Variants in CCDC33 observed in about 807,000 individuals in gnomAD.
CCDC33 encodes the protein coiled-coil domain-containing protein 33.
Under a neutral mutation model 91.9 loss-of-function variants are expected in CCDC33, and 94 were observed. The ratio of observed to expected loss-of-function variants is 1.02; its 90% CI spans 0.87 to 1.21. CCDC33 has a LOEUF of 1.21. Among genes scored for constraint, CCDC33 ranks in the 50% most tolerant of loss-of-function variants. The pLI is 0.00. For synonymous variants in CCDC33, 396 were observed against 374.5 expected (o/e 1.06, Z -0.66); for missense variants, 940 against 935.5 (o/e 1.00, Z -0.06).
At position 74,218,538 on chromosome 15, in the gene CCDC33, G is replaced by A; in HGVS notation, c.352G>A (p.Val118Met). 7.8e-7 allele frequency: 1 copy of A among 1,289,654 alleles called. No individual in the cohort carries two copies. Among genetic ancestry groups the A allele is most frequent in the Non-Finnish European group, 1.0e-6 (1 of 988,770 alleles). 79.9% of individuals were successfully genotyped at this position (1,289,654 alleles called of 1,614,324 possible). A position where few individuals can be genotyped will look rare whatever the true frequency, so the allele number is the denominator to read the frequency against. Residue 118 changes from valine to methionine, a missense_variant, in exon 2 of 3, where the codon GTG becomes ATG. Coordinates refer to the CCDC33 transcript ENST00000635913. This position sits in a 1 kb window ranked among gnomAD's most constrained non-coding sequence, Gnocchi z 4.8. ...CGGGCAGCATGATGCTCAGCTGCAT[G>A]TGGAGGCACTGAGGCTGGACGAACC...
Position 74,305,445 on chromosome 15 carries a change from GC to G in CCDC33, c.1290+9503del, listed in dbSNP as rs2059875574. Among the ~76,000 whole-genome samples the G allele has an allele frequency of 2.0e-5, 3 of 152,220 alleles. No individual in the cohort carries two copies. The South Asian group carries it at 6.2e-4, about 32-fold the overall frequency. On this transcript the variant is annotated intron_variant, in intron 11 of 18. Coordinates refer to ENST00000398814, the MANE Select transcript of CCDC33 (RefSeq NM_025055.5). Reference sequence around the variant, plus strand: ...GAGAGGGGAGGCTTCCATAGAGAAAGCCCCCCAGCCTAACTGGGGAGAAGTC... The same window carrying G: ...GAGAGGGGAGGCTTCCATAGAGAAAGCCCCCAGCCTAACTGGGGAGAAGTC...
chr15:74,238,215 C>G (rs1372942281), intron 1 of CCDC33, among the ~76,000 whole-genome samples: 1 of 152,136 alleles, frequency 6.6e-6, no homozygotes, highest in African/African-American at 2.4e-5. Flanking sequence ...CGAGACCAGT[C>G]TGGCCAACAT....
rs1293102551 is a variant in CCDC33 at position 74,218,332 on chromosome 15, C to T, written c.311-165C>T. ...CAAAGGGAGGGAGCCATGGGTGGGG[C>T]CTAGGAGGGAGTCGCCTACCAGGGA... On this transcript the variant is annotated intron_variant, in intron 1 of 2. Transcript: ENST00000635913. This position sits in a 1 kb window ranked among gnomAD's most constrained non-coding sequence, Gnocchi z 4.8. 6.6e-6 allele frequency among the ~76,000 whole-genome samples: 1 copy of T among 152,082 alleles called. No individual in the cohort carries two copies. The highest frequency in any genetic ancestry group is 1.5e-5 in the Non-Finnish European group (1 of 67,996).
upstream of CCDC33, among the ~76,000 whole-genome samples, chr15:74,234,821 G>A (rs1296450593): frequency 6.6e-6 from 1 of 152,248 alleles, no homozygotes; most frequent in Non-Finnish European, 1.5e-5. Flanking sequence ...GGTGGCCAGG[G>A]CACAAAATGT....
intron 11 of CCDC33, among the ~76,000 whole-genome samples, chr15:74,315,523 G>A (rs1046041081): frequency 7.2e-5 from 11 of 152,368 alleles, no homozygotes; most frequent in African/African-American, 2.2e-4. Context: ...GGTGACTGGT[G>A]GTGAAGTTAG....
Position 74,242,408 on chromosome 15 carries a change from G to T in CCDC33, c.22-1577G>T, listed in dbSNP as rs765945593. 2.6e-5 allele frequency among the ~76,000 whole-genome samples: 4 copies of T among 152,198 alleles called. No homozygotes were observed. In the South Asian group the frequency reaches 8.3e-4, roughly 32 times the overall value. ...GGCCCAGGTCCTTGCTCCTGTCTGG[G>T]CCTCAATTTCCTCTCTATGTAATAG... On this transcript the variant is annotated intron_variant, in intron 1 of 18. Transcript: ENST00000398814.
intron 2 of CCDC33, among the ~76,000 whole-genome samples, chr15:74,258,256 T>G (rs1052650336): frequency 5.9e-5 from 9 of 152,054 alleles, no homozygotes; most frequent in Non-Finnish European, 8.8e-5. Flanking sequence ...ATCACTCTAG[T>G]CTCTCAGGAT....
At chr15:74,260,255 C>T (rs1187484504) in intron 2 of CCDC33, among the ~76,000 whole-genome samples, 1 of 152,176 alleles carries the variant, frequency 6.6e-6, no homozygotes, top group African/African-American at 2.4e-5. Flanking sequence ...AAGCTGAGCG[C>T]CACGTTCCTG....
At chr15:74,275,187 G>A (rs1217322858) in intron 7 of CCDC33, among the ~76,000 whole-genome samples, 5 of 152,212 alleles carry the variant, frequency 3.3e-5, no homozygotes, top group Non-Finnish European at 7.3e-5. Flanking sequence ...AACTGTCACT[G>A]TGCAAAAGCA....
Position 74,295,960 on chromosome 15 carries a change from T to C in CCDC33, c.1290+12T>C, listed in dbSNP as rs779694472. Reference sequence around the variant, plus strand: ...TGTCCCATGACACAGTGAGTGTCTCTCCCCAGGTGGGAAGGGCCGGGGCAG... The same window carrying C: ...TGTCCCATGACACAGTGAGTGTCTCCCCCCAGGTGGGAAGGGCCGGGGCAG... On this transcript the variant is annotated intron_variant, in intron 11 of 18. Coordinates refer to ENST00000398814, the MANE Select transcript of CCDC33 (RefSeq NM_025055.5). 2.5e-6 allele frequency: 4 copies of C among 1,602,312 alleles called. No homozygotes were observed. The Admixed American group carries it at 6.8e-5, about 27-fold the overall frequency.
At chr15:74,223,373 T>C (rs2074669899) in intron 2 of CCDC33, among the ~76,000 whole-genome samples, 1 of 152,158 alleles carries the variant, frequency 6.6e-6, no homozygotes, top group African/African-American at 2.4e-5. Context: ...CCCAGGCTGA[T>C]GTCCCAGCCC....
intron 2 of CCDC33, among the ~76,000 whole-genome samples, chr15:74,210,943 G>A (rs761339636): frequency 6.6e-6 from 1 of 152,186 alleles, no homozygotes; most frequent in Admixed American, 6.5e-5. Context: ...GAAGTCATGA[G>A]TTAAGTAGAA....
At chr15:74,250,091 C>T (rs2075658213) in intron 2 of CCDC33, among the ~76,000 whole-genome samples, 1 of 152,204 alleles carries the variant, frequency 6.6e-6, no homozygotes, top group Non-Finnish European at 1.5e-5. Flanking sequence ...TCCAATCCAT[C>T]ACCAAGTCAT....
chr15:74,300,706 C>T (rs1363009270), intron 11 of CCDC33: 6 of 152,216 alleles, frequency 3.9e-5, no homozygotes, highest in East Asian at 1.9e-4. Context: ...GAGAGAAAAG[C>T]GCTCTGGGAA....
intron 16 of CCDC33, 23 bp from the exon 17 acceptor site, chr15:74,333,858 G>T: frequency 1.2e-6 from 2 of 1,604,482 alleles, no homozygotes; most frequent in Non-Finnish European, 1.7e-6. Context: ...GGGGCCAAAT[G>T]TGAGTTTGTG....
intron 11 of CCDC33, among the ~76,000 whole-genome samples, chr15:74,321,348 G>A (rs542060673): frequency 1.4e-4 from 17 of 117,442 alleles, no homozygotes; most frequent in South Asian, 8.8e-4. Flanking sequence ...CCCCACCCCC[G>A]CCTGCCCCCC....
chr15:74,256,663 C>G (rs770209433), intron 2 of CCDC33, among the ~76,000 whole-genome samples: 5 of 152,218 alleles, frequency 3.3e-5, no homozygotes, highest in Non-Finnish European at 7.3e-5. Context: ...CAAAGGCTGA[C>G]AGATGGTGCA....
intron 15 of CCDC33, among the ~76,000 whole-genome samples, chr15:74,331,893 G>A (rs1162229059): frequency 1.3e-5 from 2 of 152,120 alleles, no homozygotes; most frequent in Non-Finnish European, 2.9e-5. Flanking sequence ...AGCTGGGCAT[G>A]GTGGCGGGCA....
intron 3 of CCDC33, among the ~76,000 whole-genome samples, chr15:74,266,289 G>A (rs1226940431): frequency 6.6e-6 from 1 of 152,178 alleles, no homozygotes; most frequent in Non-Finnish European, 1.5e-5. Flanking sequence ...TGTGACCAAG[G>A]GAAAGAGTCT....
Sources: allele counts gnomAD v4.1 joint callset (sites outside exome capture counted in the v4.1 genomes callset), GRCh38; gene constraint gnomAD v4.1.1; non-coding constraint Gnocchi (gnomAD v3.1); transcripts MANE v1.5; gene names NCBI Gene and HGNC (gene_info 2026-07-23, HGNC 2026-07-21).